The following TAFA4 variants were observed in gnomAD, a reference collection of about 807,000 sequenced individuals.
The protein encoded by TAFA4 is TAFA chemokine like family member 4.
A neutral mutation model predicts 21.1 loss-of-function variants in TAFA4; 20 were observed. The ratio of observed to expected loss-of-function variants is 0.95; its 90% CI spans 0.67 to 1.38. The LOEUF is 1.38. Among genes scored for constraint, TAFA4 ranks in the 40% most tolerant of loss-of-function variants. The probability of loss-of-function intolerance (pLI) is 0.00; values close to 1 mark genes in which losing one functional copy is unlikely to be tolerated. For synonymous variants in TAFA4, 71 were observed against 67.4 expected, an observed-to-expected ratio of 1.05 and a Z score of -0.26; for missense variants, 211 against 180.9, an observed-to-expected ratio of 1.17 and a Z score of -0.95.
At chr3:68,766,301 C>T (rs957769889) in intron 3 of TAFA4, among the ~76,000 whole-genome samples, 5 of 151,886 alleles carry the variant, frequency 3.3e-5, no homozygotes, top group African/African-American at 1.2e-4. Context: ...CTCATTAAGT[C>T]TTTGATAATA....
chr3:68,753,267 A>G (rs549615109), intron 3 of TAFA4, among the ~76,000 whole-genome samples: 1 of 151,658 alleles, frequency 6.6e-6, no homozygotes, highest in East Asian at 1.9e-4. Flanking sequence ...CTGGGGTCAC[A>G]CTCATGGTTA....
At position 68,913,204 on chromosome 3, in the gene TAFA4, T is replaced by C. The variant is rs1426062420; in HGVS notation, c.-123+19036A>G. 3.3e-5 allele frequency among the ~76,000 whole-genome samples: 5 copies of C among 152,350 alleles called. No individual in the cohort carries two copies. In the East Asian group the frequency reaches 5.8e-4, roughly 18 times the overall value. On this transcript the variant is annotated intron_variant, in intron 1 of 5. Transcript: ENST00000295569. ...AACTTCCTGTGTCAAAACACTGTGC[T>C]GTGTGCTGTACATGCATCTTCCATC...
At chr3:68,803,480 G>C (rs963273512) in intron 3 of TAFA4, among the ~76,000 whole-genome samples, 1 of 152,078 alleles carries the variant, frequency 6.6e-6, no homozygotes, top group African/African-American at 2.4e-5. Context: ...CATGATGAAA[G>C]CCATGATCAG....
intron 3 of TAFA4, among the ~76,000 whole-genome samples, chr3:68,762,651 C>T (rs1022885618): frequency 1.3e-5 from 2 of 152,218 alleles, no homozygotes; most frequent in Non-Finnish European, 2.9e-5. Context: ...ACACCAGGTG[C>T]TGTCCTGTTA....
intron 3 of TAFA4, among the ~76,000 whole-genome samples, chr3:68,785,092 T>C (rs1021501057): frequency 9.2e-5 from 14 of 152,038 alleles, no homozygotes; most frequent in African/African-American, 9.7e-5. Flanking sequence ...AAAGTGTCGA[T>C]TGGTGCATTC....
At chr3:68,856,652 G>C (rs1705076703) in intron 3 of TAFA4, among the ~76,000 whole-genome samples, 1 of 152,068 alleles carries the variant, frequency 6.6e-6, no homozygotes, top group African/African-American at 2.4e-5. Flanking sequence ...AGATATTACA[G>C]GTTCCACTTT....
At chr3:68,929,391 C>A (rs1467969472) in intron 1 of TAFA4, among the ~76,000 whole-genome samples, 1 of 152,182 alleles carries the variant, frequency 6.6e-6, no homozygotes, top group Non-Finnish European at 1.5e-5. Flanking sequence ...TGGCCTCAAT[C>A]CCCCACCCTC....
At chr3:68,840,585 G>A (rs1290627442) in intron 3 of TAFA4, among the ~76,000 whole-genome samples, 1 of 152,076 alleles carries the variant, frequency 6.6e-6, no homozygotes, top group Non-Finnish European at 1.5e-5. Flanking sequence ...ATACAAACAC[G>A]TGCCTTTAGA....
intron 3 of TAFA4, among the ~76,000 whole-genome samples, chr3:68,818,518 CT>C: frequency 6.6e-6 from 1 of 152,204 alleles, no homozygotes; most frequent in South Asian, 2.1e-4. Context: ...TTCAAAATGC[CT>C]TTCTCACTAA....
chr3:68,931,488 C>A (rs1477337956), intron 1 of TAFA4, among the ~76,000 whole-genome samples: 4 of 152,196 alleles, frequency 2.6e-5, no homozygotes, highest in African/African-American at 9.7e-5. Context: ...GGAGATCAAG[C>A]TTTCCAGTTC....
chr3:68,837,384 T>C (rs923914763), intron 3 of TAFA4, among the ~76,000 whole-genome samples: 3 of 152,178 alleles, frequency 2.0e-5, no homozygotes, highest in Non-Finnish European at 4.4e-5. Context: ...TGCCACAAAG[T>C]GTGCCCATGA....
chr3:68,813,296 C>G (rs1009001329), intron 3 of TAFA4, among the ~76,000 whole-genome samples: 4 of 152,082 alleles, frequency 2.6e-5, no homozygotes, highest in African/African-American at 9.7e-5. Context: ...CATTCAAAAG[C>G]TAGCAGAAGG....
chr3:68,926,159 G>C (rs370649685), intron 1 of TAFA4, among the ~76,000 whole-genome samples: 3 of 151,854 alleles, frequency 2.0e-5, no homozygotes, highest in Non-Finnish European at 4.4e-5. Context: ...AACCCAAGAG[G>C]GGGTGGTTGC....
chr3:68,765,687 A>T (rs1184897236), intron 3 of TAFA4, among the ~76,000 whole-genome samples: 1 of 152,170 alleles, frequency 6.6e-6, no homozygotes, highest in Non-Finnish European at 1.5e-5. Flanking sequence ...ACTAAAACCA[A>T]AGAAAAGGAA....
At chr3:68,824,647 AC>A (rs1704186067) in intron 3 of TAFA4, among the ~76,000 whole-genome samples, 1 of 152,146 alleles carries the variant, frequency 6.6e-6, no homozygotes, top group Non-Finnish European at 1.5e-5. Flanking sequence ...TCCTTAAGGG[AC>A]CATTATTCTG....
chr3:68,738,071 A>C (rs1248319263), intron 5 of TAFA4, among the ~76,000 whole-genome samples: 1 of 152,228 alleles, frequency 6.6e-6, no homozygotes, highest in African/African-American at 2.4e-5. Context: ...TATGGATAGC[A>C]ATCTATGTAA....
At chr3:68,766,080 C>T (rs1045439510) in intron 3 of TAFA4, among the ~76,000 whole-genome samples, 7 of 151,882 alleles carry the variant, frequency 4.6e-5, no homozygotes, top group African/African-American at 1.7e-4. Flanking sequence ...AATGGAGAAA[C>T]AATGACAAGG....
chr3:68,864,319 T>C (rs982933326), intron 3 of TAFA4, among the ~76,000 whole-genome samples: 1 of 152,134 alleles, frequency 6.6e-6, no homozygotes, highest in Non-Finnish European at 1.5e-5. Context: ...CCAAAGAAGA[T>C]AGACAGGTGA....
chr3:68,920,166 G>A (rs1277941978), intron 1 of TAFA4, among the ~76,000 whole-genome samples: 2 of 152,154 alleles, frequency 1.3e-5, no homozygotes, highest in Non-Finnish European at 2.9e-5. Flanking sequence ...CTATATGGTA[G>A]TTAAAGGAAT....
Sources: gnomAD v4.1 joint callset for allele counts (sites outside exome capture counted in the v4.1 genomes callset) on GRCh38, gnomAD v4.1.1 for gene constraint, MANE v1.5 for transcripts, NCBI Gene and HGNC (gene_info 2026-07-23, HGNC 2026-07-21) for gene names.